NEDD4: variants seen among roughly 807,000 people sequenced by gnomAD.
NEDD4 encodes NEDD4 E3 ubiquitin protein ligase.
Under a neutral mutation model 144.9 loss-of-function variants are expected in NEDD4, and 99 were observed. The observed-to-expected ratio is 0.68, with a 90% confidence interval of 0.58 to 0.81. The LOEUF is 0.81. Among genes scored for constraint, NEDD4 ranks in the 30% least tolerant of loss-of-function variants. NEDD4 has a pLI of 0.00. For synonymous variants in NEDD4, 318 were observed against 350.6 expected (o/e 0.91, Z 1.04); for missense variants, 985 against 1,065.9 (o/e 0.92, Z 1.06).
At chr15:55,901,231 A>C (rs1177100827) in intron 5 of NEDD4, among the ~76,000 whole-genome samples, 2 of 152,096 alleles carry the variant, frequency 1.3e-5, no homozygotes, top group Non-Finnish European at 2.9e-5. Flanking sequence ...TGAATTCTTT[A>C]GTTTAAAAAC....
At chr15:55,934,537 G>A (rs2036847052) in intron 4 of NEDD4, among the ~76,000 whole-genome samples, 1 of 151,828 alleles carries the variant, frequency 6.6e-6, no homozygotes, top group South Asian at 2.1e-4. Flanking sequence ...AAGTATTCCG[G>A]CATTTTAATT....
At chr15:55,941,555 C>T (rs1595863295) in intron 4 of NEDD4, among the ~76,000 whole-genome samples, 1 of 151,388 alleles carries the variant, frequency 6.6e-6, no homozygotes, top group East Asian at 1.9e-4. Context: ...GAGAACATAC[C>T]CTGTTAAATT....
chr15:55,851,417 G>T (rs2142008737), intron 13 of NEDD4, among the ~76,000 whole-genome samples: 1 of 151,396 alleles, frequency 6.6e-6, no homozygotes, highest in East Asian at 1.9e-4. Context: ...AAAATAAAAT[G>T]AGTGTTCTCT....
intron 5 of NEDD4, among the ~76,000 whole-genome samples, chr15:55,882,062 A>G (rs1460641928): frequency 1.3e-5 from 2 of 152,208 alleles, no homozygotes; most frequent in Non-Finnish European, 2.9e-5. Flanking sequence ...AAACGTGCAG[A>G]AGTCTCTTCC....
chr15:55,856,073 TAA>T (rs1226773418), intron 12 of NEDD4, 56 bp downstream of exon 12: 1 of 1,476,314 alleles, frequency 6.8e-7, no homozygotes, highest in African/African-American at 1.4e-5. Flanking sequence ...TTCCAAAAAA[TAA>T]AAAGAGATGC....
intron 17 of NEDD4, among the ~76,000 whole-genome samples, 156 bp from the exon 18 acceptor site, chr15:55,847,190 C>T (rs2033785860): frequency 6.6e-6 from 1 of 152,100 alleles, no homozygotes; most frequent in Non-Finnish European, 1.5e-5. Context: ...AAACTTTAAA[C>T]TTTAAAATAT....
chr15:55,957,701 A>C (rs369601726), intron 2 of NEDD4, among the ~76,000 whole-genome samples: 24 of 152,376 alleles, frequency 1.6e-4, no homozygotes, highest in Admixed American at 5.9e-4. Context: ...TATTCACAAT[A>C]GCAAAGACTT....
intron 11 of NEDD4, among the ~76,000 whole-genome samples, chr15:55,856,935 T>A (rs188916733): frequency 5.7e-4 from 87 of 152,352 alleles, no homozygotes; most frequent in East Asian, 4.4e-3. Context: ...TTTATAATAG[T>A]ACTGTAAACA....
chr15:55,952,295 C>T (rs2037255867), intron 2 of NEDD4, among the ~76,000 whole-genome samples: 1 of 152,030 alleles, frequency 6.6e-6, no homozygotes, highest in South Asian at 2.1e-4. Flanking sequence ...GATCACGCCA[C>T]TGCACTCAAG....
intron 4 of NEDD4, among the ~76,000 whole-genome samples, chr15:55,937,158 T>C (rs2036909728): frequency 6.6e-6 from 1 of 152,196 alleles, no homozygotes; most frequent in South Asian, 2.1e-4. Context: ...TAACAGTTTT[T>C]CACAAAAACT....
intron 9 of NEDD4, among the ~76,000 whole-genome samples, chr15:55,862,321 G>C (rs1321454291): frequency 6.6e-6 from 1 of 151,952 alleles, no homozygotes; most frequent in Non-Finnish European, 1.5e-5. Context: ...GGGGATTTGA[G>C]AATAAATATG....
chr15:55,916,814 T>A (rs767047105), intron 5 of NEDD4: 1 of 1,602,696 alleles, frequency 6.2e-7, no homozygotes, highest in Non-Finnish European at 8.5e-7. Flanking sequence ...CAAAGTGCAA[T>A]CGTAAGCTTT....
chr15:55,955,545 A>T (rs764835696), intron 2 of NEDD4, among the ~76,000 whole-genome samples: 2 of 152,180 alleles, frequency 1.3e-5, no homozygotes, highest in Non-Finnish European at 2.9e-5. Flanking sequence ...TTTTAGATAT[A>T]TAAATGTAAA....
At chr15:55,877,057 G>A (rs1214038603) in intron 5 of NEDD4, among the ~76,000 whole-genome samples, 1 of 151,870 alleles carries the variant, frequency 6.6e-6, no homozygotes, top group Non-Finnish European at 1.5e-5. Context: ...AAAATACTGC[G>A]AGAGAATCCT....
rs117328211 is a variant in NEDD4, at chr15:55,966,790, G to A, written c.46-244C>T. Among the ~76,000 whole-genome samples the A allele has an allele frequency of 1.1e-3, 168 of 152,254 alleles. 1 individual carries two copies. In the East Asian group the frequency reaches 0.029, roughly 27 times the overall value. On this transcript the variant is annotated intron_variant, in intron 1 of 28. Transcript: ENST00000435532. ...TTATTACACTGAATAAGAATTTATC[G>A]CTGCGCTCAAGAAAATCTAAAGCCA...
intron 8 of NEDD4, among the ~76,000 whole-genome samples, chr15:55,866,013 C>T (rs2034573609): frequency 6.6e-6 from 1 of 151,964 alleles, no homozygotes; most frequent in Non-Finnish European, 1.5e-5. Context: ...CTCACTGCAG[C>T]CTTGACCTCT....
chr15:55,993,463 T>A, intron 1 of NEDD4, 48 bp downstream of exon 1: 1 of 1,583,520 alleles, frequency 6.3e-7, no homozygotes, highest in South Asian at 1.1e-5. Flanking sequence ...GTCCGGCTGC[T>A]GAATAACCCG....
intron 11 of NEDD4, among the ~76,000 whole-genome samples, chr15:55,856,917 T>C (rs1595756230): frequency 6.6e-6 from 1 of 152,248 alleles, no homozygotes; most frequent in Non-Finnish European, 1.5e-5. Context: ...ATATCCACTG[T>C]AGTACTGTTT....
intron 24 of NEDD4, among the ~76,000 whole-genome samples, chr15:55,834,882 C>T (rs558407969): frequency 1.9e-4 from 29 of 152,308 alleles, no homozygotes; most frequent in African/African-American, 3.6e-4. Context: ...TCCATCCCTG[C>T]GTCCCAACCA....
Sources: allele counts gnomAD v4.1 joint callset (sites outside exome capture counted in the v4.1 genomes callset), GRCh38; gene constraint gnomAD v4.1.1; transcripts MANE v1.5; gene names NCBI Gene and HGNC (gene_info 2026-07-23, HGNC 2026-07-21).